The following VRK2 variants were observed in gnomAD, a reference collection of about 807,000 sequenced individuals.
VRK2 encodes VRK serine/threonine kinase 2.
In VRK2, 60 loss-of-function variants were observed where a neutral mutation model predicts 57.6. The ratio of observed to expected loss-of-function variants is 1.04; its 90% CI spans 0.85 to 1.29. The LOEUF (loss-of-function observed/expected upper bound fraction) is 1.29, where lower values mean the gene tolerates loss of function less well. Ranked by LOEUF, VRK2 falls within the 50% of genes most tolerant of loss-of-function variation. VRK2 has a pLI of 0.00. For synonymous variants in VRK2, 231 were observed against 199.2 expected, an observed-to-expected ratio of 1.16 and a Z score of -1.35; for missense variants, 705 against 588.1, an observed-to-expected ratio of 1.20 and a Z score of -2.06.
intron 1 of VRK2, among the ~76,000 whole-genome samples, chr2:57,939,171 A>G (rs1273285946): frequency 6.6e-6 from 1 of 152,218 alleles, no homozygotes; most frequent in Non-Finnish European, 1.5e-5. Context: ...TTGAATCATA[A>G]TGAATATTTT....
intron 2 of VRK2, among the ~76,000 whole-genome samples, chr2:58,083,483 CTT>C (rs1208931257): frequency 1.3e-5 from 2 of 151,730 alleles, no homozygotes; most frequent in Non-Finnish European, 3.0e-5. Flanking sequence ...AGTAAGGTAA[CTT>C]GAAATGAATT....
upstream of VRK2, among the ~76,000 whole-genome samples, chr2:58,046,279 T>A (rs1280768517): frequency 2.0e-5 from 3 of 152,262 alleles, no homozygotes; most frequent in Non-Finnish European, 2.9e-5. Context: ...TGAAGTTTGT[T>A]AATTACGGTG....
chr2:58,042,517 C>CA (rs887296357), upstream of VRK2, among the ~76,000 whole-genome samples: 3 of 152,156 alleles, frequency 2.0e-5, no homozygotes, highest in African/African-American at 7.2e-5. Context: ...CTTTAAATAA[C>CA]AAAAATTGGC....
At chr2:58,032,149 G>T (rs889701225) in intron 2 of VRK2, among the ~76,000 whole-genome samples, 2 of 152,016 alleles carry the variant, frequency 1.3e-5, no homozygotes, top group African/African-American at 4.8e-5. Flanking sequence ...AGTTGTTGTG[G>T]TTATGAACAG....
rs1195392883 is a variant in VRK2, at chr2:58,072,775, A to G, written c.137-11314A>G. ...TATTAGGGTGATGCTGGTTTTATAG[A>G]ATTAGTTGAATGTTCCTTTGCTTCT... On this transcript the variant is annotated intron_variant, in intron 2 of 12. Transcript: ENST00000340157. 2.6e-5 allele frequency among the ~76,000 whole-genome samples: 4 copies of G among 151,680 alleles called. No individual in the cohort carries two copies. The East Asian group carries it at 7.7e-4, about 29-fold the overall frequency.
chr2:57,918,680 G>A (rs1038204245), intron 1 of VRK2, among the ~76,000 whole-genome samples: 1 of 152,018 alleles, frequency 6.6e-6, no homozygotes, highest in Admixed American at 6.6e-5. Flanking sequence ...TGTGTTGTTG[G>A]AGTTTTTAGT....
chr2:58,151,731 GTTTTTTTTTTTTTTTT>G lies in VRK2; in HGVS notation c.1182+5278_1182+5293del, dbSNP rs60379025. Among the ~76,000 whole-genome samples the G allele has an allele frequency of 2.9e-3, 49 of 16,716 alleles. 1 individual carries two copies. The highest frequency in any genetic ancestry group is 5.8e-3 in the African/African-American group (43 of 7,432). 11.0% of individuals were successfully genotyped at this position (16,716 alleles called of 152,430 possible). On this transcript the variant is annotated intron_variant, in intron 12 of 12. Coordinates refer to ENST00000340157, the MANE Select transcript of VRK2 (RefSeq NM_006296.7). ...TTTTTTTAACTATGCTTCTATGCTT[GTTTTTTTTTTTTTTTT>G]TTTTTTTTTTTTTTTTTTTTGGTGG... is the stretch of plus-strand genomic sequence containing the variant.
chr2:58,067,960 C>T (rs1318425995), intron 2 of VRK2, among the ~76,000 whole-genome samples: 1 of 148,532 alleles, frequency 6.7e-6, no homozygotes, highest in Non-Finnish European at 1.5e-5. Flanking sequence ...AACAGAGTAT[C>T]GCTTTGTCAC....
rs563954496 is a variant in VRK2, at chr2:57,922,213, G to A, written c.-439+14374G>A. Among the ~76,000 whole-genome samples the A allele has an allele frequency of 9.9e-5, 15 of 151,856 alleles. 1 individual carries two copies. In the East Asian group the frequency reaches 1.5e-3, roughly 16 times the overall value. On this transcript the variant is annotated intron_variant, in intron 1 of 15. Coordinates refer to the VRK2 transcript ENST00000417641. ...CTGATCCATCAAAAATTGAATTATT[G>A]CCTTTAAATTGAAAGAAATTAAAAA...
chr2:58,064,003 A>T (rs1486568141), intron 2 of VRK2, among the ~76,000 whole-genome samples: 1 of 152,116 alleles, frequency 6.6e-6, no homozygotes, highest in African/African-American at 2.4e-5. Context: ...AGAGAACTGG[A>T]GTTAGAGCTG....
chr2:57,913,227 T>A (rs1309341495), intron 1 of VRK2, among the ~76,000 whole-genome samples: 1 of 152,188 alleles, frequency 6.6e-6, no homozygotes, highest in Non-Finnish European at 1.5e-5. Flanking sequence ...CCCTACCAAT[T>A]TATTTCTAGT....
rs560348457 is a variant in VRK2, at chr2:57,990,453, T to C, written c.-438-35212T>C. Among the ~76,000 whole-genome samples, 45 of 152,254 alleles carry C rather than the reference T, an allele frequency of 3.0e-4. 1 individual carries two copies. Among genetic ancestry groups the C allele is most frequent in the African/African-American group, 9.4e-4 (39 of 41,554 alleles). ...AAAGAAAAGAATTATTCAGGGTAAA[T>C]ATTGTCCAGATGATAGGACCAGATC... On this transcript the variant is annotated intron_variant, in intron 1 of 15. Coordinates refer to the VRK2 transcript ENST00000417641.
chr2:58,158,384 G>T (rs1055952213), intron 12 of VRK2, among the ~76,000 whole-genome samples: 7 of 152,078 alleles, frequency 4.6e-5, no homozygotes, highest in Non-Finnish European at 8.8e-5. Context: ...TCATAGGAAA[G>T]CTAGTAGTTT....
At chr2:58,049,742 C>A (rs1675424682) in intron 2 of VRK2, among the ~76,000 whole-genome samples, 1 of 152,122 alleles carries the variant, frequency 6.6e-6, no homozygotes, top group Admixed American at 6.5e-5. Flanking sequence ...GAGATCACAT[C>A]TATTTCTATA....
chr2:57,996,172 C>T (rs1672917184), intron 1 of VRK2, among the ~76,000 whole-genome samples: 1 of 152,124 alleles, frequency 6.6e-6, no homozygotes, highest in Admixed American at 6.5e-5. Flanking sequence ...TTTTCATATC[C>T]TTGGGGGATA....
At chr2:58,117,873 A>G (rs956203772) in intron 7 of VRK2, among the ~76,000 whole-genome samples, 1 of 152,160 alleles carries the variant, frequency 6.6e-6, no homozygotes, top group Non-Finnish European at 1.5e-5. Flanking sequence ...TCTTGCCCAT[A>G]GTGAAGGAGG....
At chr2:57,915,080 T>A (rs1042620886) in intron 1 of VRK2, among the ~76,000 whole-genome samples, 1 of 152,082 alleles carries the variant, frequency 6.6e-6, no homozygotes. Context: ...TATATTTACC[T>A]AAAAAGGACA....
intron 2 of VRK2, among the ~76,000 whole-genome samples, chr2:58,055,200 C>T (rs1338576488): frequency 1.3e-5 from 2 of 152,114 alleles, no homozygotes; most frequent in African/African-American, 4.8e-5. Flanking sequence ...GGCACCTATG[C>T]CCTATTGAAA....
intron 7 of VRK2, among the ~76,000 whole-genome samples, chr2:58,092,018 G>T (rs752790572): frequency 6.6e-6 from 1 of 152,202 alleles, no homozygotes; most frequent in Admixed American, 6.5e-5. Context: ...ACTTTTCAAA[G>T]ATTAGGTTTT....
Sources: gnomAD v4.1 joint callset for allele counts (sites outside exome capture counted in the v4.1 genomes callset) on GRCh38, gnomAD v4.1.1 for gene constraint, MANE v1.5 for transcripts, NCBI Gene and HGNC (gene_info 2026-07-23, HGNC 2026-07-21) for gene names.